DLG2: variants seen among roughly 807,000 people sequenced by gnomAD.
DLG2 encodes discs large MAGUK scaffold protein 2, also known as disks large homolog 2.
A neutral mutation model predicts 132.5 loss-of-function variants in DLG2; 45 were observed. The observed-to-expected ratio is 0.34, with a 90% CI of 0.27 to 0.44. The LOEUF (loss-of-function observed/expected upper bound fraction) is 0.44, where lower values mean the gene tolerates loss of function less well. Ranked by LOEUF, DLG2 falls within the 20% of genes least tolerant of loss-of-function variation. The probability of loss-of-function intolerance (pLI) is 1.00; values close to 1 mark genes in which losing one functional copy is unlikely to be tolerated. For missense variants in DLG2, 1,045 were observed against 1,196.9 expected, an observed-to-expected ratio of 0.87 and a Z score of 1.87; for synonymous variants, 424 against 419.6, an observed-to-expected ratio of 1.01 and a Z score of -0.13.
chr11:85,432,651 C>T (rs2091258029), intron 3 of DLG2, among the ~76,000 whole-genome samples: 1 of 152,006 alleles, frequency 6.6e-6, no homozygotes, highest in Admixed American at 6.6e-5. Context: ...AACCAAACCT[C>T]CCAGAAATAC....
intron 6 of DLG2, among the ~76,000 whole-genome samples, chr11:84,947,585 C>T (rs574538458): frequency 2.6e-5 from 4 of 152,330 alleles, no homozygotes; most frequent in South Asian, 2.1e-4. Context: ...TGCTTTCCTA[C>T]ACCCTTACCC....
intron 6 of DLG2, among the ~76,000 whole-genome samples, chr11:85,063,455 C>G (rs1435220230): frequency 6.6e-6 from 1 of 151,808 alleles, no homozygotes; most frequent in Admixed American, 6.6e-5. Context: ...CTACACAGAA[C>G]TGACATTACT....
intron 3 of DLG2, among the ~76,000 whole-genome samples, chr11:85,463,762 C>A (rs2092691597): frequency 6.6e-6 from 1 of 151,836 alleles, no homozygotes; most frequent in African/African-American, 2.4e-5. Context: ...CACAGAAAGA[C>A]CTTGTTTAAA....
intron 7 of DLG2, among the ~76,000 whole-genome samples, chr11:84,331,450 A>AT (rs199897172): frequency 0.027 from 3,698 of 138,434 alleles, 141 homozygotes; most frequent in African/African-American, 0.079. Flanking sequence ...TCAAAAAAAA[A>AT]AAAAAAAAAA....
intron 6 of DLG2, among the ~76,000 whole-genome samples, chr11:84,738,219 T>A (rs1012700775): frequency 6.6e-6 from 1 of 152,040 alleles, no homozygotes; most frequent in Non-Finnish European, 1.5e-5. Flanking sequence ...AATTTTCTTT[T>A]TTTTCTTTTT....
rs140861632 is a variant in DLG2, at chr11:84,554,564, T to C, written c.358-19833A>G. 2.6e-3 allele frequency among the ~76,000 whole-genome samples: 401 copies of C among 152,172 alleles called. 2 individuals are homozygous for C. The highest frequency in any genetic ancestry group is 9.0e-3 in the African/African-American group (374 of 41,536). ...GAGTTCAAGACCAGCCTGACCAACA[T>C]GGAGAAATCCCGTCTCTTCTAAATA... On this transcript the variant is annotated intron_variant, in intron 6 of 27. Transcript: ENST00000376104.
chr11:84,517,474 T>C (rs766480700), intron 7 of DLG2, among the ~76,000 whole-genome samples: 1 of 151,782 alleles, frequency 6.6e-6, no homozygotes, highest in Non-Finnish European at 1.5e-5. Context: ...AGAATGGCTA[T>C]CATCAAAAAG....
intron 6 of DLG2, among the ~76,000 whole-genome samples, chr11:84,722,841 A>G (rs565475445): frequency 2.0e-5 from 3 of 152,310 alleles, no homozygotes; most frequent in East Asian, 3.9e-4. Context: ...CTTGCCTAGT[A>G]GATTTCTCCA....
chr11:85,320,280 A>G (rs2080970423), intron 3 of DLG2, among the ~76,000 whole-genome samples: 1 of 152,010 alleles, frequency 6.6e-6, no homozygotes, highest in African/African-American at 2.4e-5. Context: ...TTTTACAAAT[A>G]ACAAAGCTAA....
At chr11:85,494,798 G>T (rs559867069) in intron 3 of DLG2, among the ~76,000 whole-genome samples, 3 of 151,640 alleles carry the variant, frequency 2.0e-5, no homozygotes, top group African/African-American at 7.2e-5. Flanking sequence ...GCTCTTCAAA[G>T]AAACATAGAA....
intron 18 of DLG2, among the ~76,000 whole-genome samples, chr11:83,652,527 C>T (rs1025092771): frequency 6.6e-6 from 1 of 152,130 alleles, no homozygotes; most frequent in Admixed American, 6.5e-5. Context: ...TGCACCACCA[C>T]ACCTGGCTAA....
intron 6 of DLG2, among the ~76,000 whole-genome samples, chr11:84,613,475 T>G (rs968478832): frequency 2.6e-5 from 4 of 152,068 alleles, no homozygotes; most frequent in African/African-American, 9.7e-5. Context: ...TCTCTGAGAT[T>G]TGGTTTCTTC....
At chr11:84,791,491 T>G (rs1054399737) in intron 6 of DLG2, among the ~76,000 whole-genome samples, 10 of 152,188 alleles carry the variant, frequency 6.6e-5, no homozygotes, top group Non-Finnish European at 1.2e-4. Context: ...TCATTGCTAT[T>G]TTGATAGGGA....
At chr11:84,023,045 C>CT (rs1267545408) in intron 11 of DLG2, among the ~76,000 whole-genome samples, 34 of 151,980 alleles carry the variant, frequency 2.2e-4, no homozygotes, top group African/African-American at 8.2e-4. Flanking sequence ...TTATTTTTCT[C>CT]TTTTTAAAAA....
At chr11:84,263,034 A>G (rs955597154) in intron 7 of DLG2, among the ~76,000 whole-genome samples, 6 of 152,182 alleles carry the variant, frequency 3.9e-5, no homozygotes, top group African/African-American at 1.2e-4. Context: ...TTCCTAATAT[A>G]AAGATGGCAG....
chr11:84,334,765 T>C (rs2098476143), intron 7 of DLG2, among the ~76,000 whole-genome samples: 1 of 152,116 alleles, frequency 6.6e-6, no homozygotes, highest in African/African-American at 2.4e-5. Context: ...ACCTCAGAGA[T>C]AATAATTTAA....
intron 6 of DLG2, among the ~76,000 whole-genome samples, chr11:84,705,348 G>T (rs2059676485): frequency 1.3e-5 from 2 of 151,602 alleles, no homozygotes; most frequent in Admixed American, 1.3e-4. Flanking sequence ...GGTTCCTGTG[G>T]CAGCACTGGA....
chr11:84,227,739 C>T (rs1349938337), intron 8 of DLG2, among the ~76,000 whole-genome samples: 5 of 151,946 alleles, frequency 3.3e-5, no homozygotes, highest in Admixed American at 6.6e-5. Flanking sequence ...CATAATGAAA[C>T]CTTGTCTCTA....
At chr11:85,231,811 T>C (rs981843414) in intron 4 of DLG2, among the ~76,000 whole-genome samples, 4 of 151,940 alleles carry the variant, frequency 2.6e-5, no homozygotes, top group South Asian at 2.1e-4. Flanking sequence ...ATGACTAACA[T>C]GTTCAGCAAA....
Sources: allele counts gnomAD v4.1 joint callset (sites outside exome capture counted in the v4.1 genomes callset), GRCh38; gene constraint gnomAD v4.1.1; transcripts MANE v1.5; gene names NCBI Gene and HGNC (gene_info 2026-07-23, HGNC 2026-07-21).